Variants in SEMA4G observed in about 807,000 individuals in gnomAD.
SEMA4G encodes the protein semaphorin 4G, also known as semaphorin-4G.
Under a neutral mutation model 81.2 loss-of-function variants are expected in SEMA4G, and 59 were observed. The observed-to-expected ratio is 0.73, with a 90% CI of 0.59 to 0.90. The LOEUF (loss-of-function observed/expected upper bound fraction) is 0.90, where lower values mean the gene tolerates loss of function less well. Ranked by LOEUF, SEMA4G falls within the 40% of genes least tolerant of loss-of-function variation. SEMA4G has a pLI of 0.00. For missense variants in SEMA4G, 952 were observed against 1,102.3 expected (o/e 0.86, Z 1.93); for synonymous variants, 404 against 433.9 (o/e 0.93, Z 0.86).
downstream of SEMA4G, chr10:100,985,292 G>A (rs987778470): frequency 2.3e-5 from 4 of 174,380 alleles, no homozygotes; most frequent in Non-Finnish European, 4.9e-5. Flanking sequence ...ACCTCACCGG[G>A]GCACTTTCAG....
chr10:100,980,587 G>A lies in SEMA4G; in HGVS notation c.1361G>A (p.Trp454Ter). The change falls in exon 11 of 14, where the codon TGG becomes TAG. Residue 454 changes from tryptophan to a stop codon, truncating the protein, a stop_gained. Coordinates refer to ENST00000370250, the Ensembl canonical transcript of SEMA4G. LOFTEE classifies it high-confidence loss of function. ...GCTCTTTCCATACCAGCTGATGGCTGGATCCACAAGGCCGTAGTCCTGGGC... is the reference window on the plus strand; with the variant it reads ...GCTCTTTCCATACCAGCTGATGGCTAGATCCACAAGGCCGTAGTCCTGGGC... 1 of 1,613,870 alleles carries A rather than the reference G, an allele frequency of 6.2e-7. No individual in the cohort carries two copies. The highest frequency in any genetic ancestry group is 8.5e-7 in the Non-Finnish European group (1 of 1,179,752).
At chr10:100,979,500 G>C in intron 8 of SEMA4G, 1 of 1,185,738 alleles carries the variant, frequency 8.4e-7, no homozygotes, top group Non-Finnish European at 1.2e-6. Flanking sequence ...ATCCTGCCTC[G>C]GCCTCCCGAG....
intron 3 of SEMA4G, 23 bp from the exon 5 acceptor site, chr10:100,977,609 G>C (rs774589692): frequency 6.2e-7 from 1 of 1,602,670 alleles, no homozygotes; most frequent in Non-Finnish European, 8.5e-7. Flanking sequence ...GGGGCTCACA[G>C]CCCTCTCCAC....
chr10:100,982,003 A>G (rs949029066), intron 13 of SEMA4G, among the ~76,000 whole-genome samples: 1 of 150,214 alleles, frequency 6.7e-6, no homozygotes, highest in African/African-American at 2.5e-5. Flanking sequence ...GGTTGCAGTG[A>G]GCCAAGATCA....
intron 13 of SEMA4G, among the ~76,000 whole-genome samples, chr10:100,982,989 G>C (rs1851185550): frequency 6.6e-6 from 1 of 152,220 alleles, no homozygotes; most frequent in Non-Finnish European, 1.5e-5. Flanking sequence ...GCACATGGTA[G>C]ATATCCGAGT....
chr10:100,976,825 A>G (rs906498756), intron 3 of SEMA4G, among the ~76,000 whole-genome samples: 4 of 152,254 alleles, frequency 2.6e-5, no homozygotes, highest in African/African-American at 7.2e-5. Flanking sequence ...TACTATGTAC[A>G]TGTATTCATT....
exon 14 of SEMA4G, chr10:100,984,125 T>C (rs149579572): frequency 1.6e-4 from 261 of 1,607,962 alleles, no homozygotes; most frequent in Non-Finnish European, 1.7e-4. Flanking sequence ...ATGAGAGCTC[T>C]GTCTGAGCCC....
At chr10:100,981,616 T>A in intron 13 of SEMA4G, 1 of 1,546,318 alleles carries the variant, frequency 6.5e-7, no homozygotes, top group Non-Finnish European at 8.9e-7. Flanking sequence ...GACACTGATC[T>A]AAATACTTCT....
At chr10:100,975,419 T>G (rs1379446320) in intron 3 of SEMA4G, among the ~76,000 whole-genome samples, 1 of 152,180 alleles carries the variant, frequency 6.6e-6, no homozygotes, top group Admixed American at 6.5e-5. Context: ...AAATGTCAAA[T>G]GAGTTTGGGA....
intron 8 of SEMA4G, 117 bp from the exon 10 acceptor site, chr10:100,979,731 C>T (rs1340699410): frequency 2.5e-6 from 3 of 1,181,416 alleles, no homozygotes; most frequent in African/African-American, 3.0e-5. Flanking sequence ...CAGGAGAGGC[C>T]CTGTGGGACT....
In SEMA4G at chr10:100,983,286, T is replaced by C. The variant is rs761700028; in HGVS notation, c.1691-19T>C. ...TTCCTGGGACGGGCTGGTACTGACCTCTCCCCCAAACCCCACAGGGCCACC... is the reference window on the plus strand; with the variant it reads ...TTCCTGGGACGGGCTGGTACTGACCCCTCCCCCAAACCCCACAGGGCCACC... On this transcript the variant is annotated intron_variant, in intron 13 of 13. Transcript: ENST00000370250. 3 of 1,509,124 alleles carry C rather than the reference T, an allele frequency of 2.0e-6. No individual in the cohort carries two copies. The highest frequency in any genetic ancestry group is 2.7e-5 in the South Asian group (2 of 75,422). 93.5% of individuals were successfully genotyped at this position (1,509,124 alleles called of 1,614,324 possible).
At chr10:100,971,950 C>T (rs1262828293), upstream of SEMA4G, among the ~76,000 whole-genome samples, 1 of 152,146 alleles carries the variant, frequency 6.6e-6, no homozygotes, top group Non-Finnish European at 1.5e-5. Context: ...CAGATAGGGA[C>T]ACGTGTGGAT....
chr10:100,978,110 C>T (rs1850880313), intron 4 of SEMA4G, 185 bp from the exon 6 acceptor site: 3 of 594,772 alleles, frequency 5.0e-6, no homozygotes, highest in Non-Finnish European at 9.0e-6. Context: ...GAACTCCAAA[C>T]ATACATTGTT....
At chr10:100,977,278 T>C (rs1850841228) in intron 3 of SEMA4G, among the ~76,000 whole-genome samples, 1 of 151,888 alleles carries the variant, frequency 6.6e-6, no homozygotes, top group South Asian at 2.1e-4. Context: ...GTTCCAAGAA[T>C]AGAAAGAGGT....
intron 13 of SEMA4G, among the ~76,000 whole-genome samples, chr10:100,982,430 A>G (rs564952776): frequency 1.1e-4 from 17 of 152,376 alleles, no homozygotes; most frequent in African/African-American, 4.1e-4. Context: ...GCCAGGAGTC[A>G]TGGAAGGAGA....
At position 100,973,103 on chromosome 10, in the gene SEMA4G, G is replaced by C; in HGVS notation, c.125-26G>C. ...GGGGTGGGGAGGCACCCCAGAACTAGGGCTCACTGTTCCTGCTCTCCCCAG... is the reference window on the plus strand; with the variant it reads ...GGGGTGGGGAGGCACCCCAGAACTACGGCTCACTGTTCCTGCTCTCCCCAG... On this transcript the variant is annotated intron_variant, in intron 1 of 13. Coordinates refer to ENST00000370250, the Ensembl canonical transcript of SEMA4G. This position sits in a 1 kb window ranked among gnomAD's most constrained non-coding sequence, Gnocchi z 5.5. 6.2e-7 allele frequency: 1 copy of C among 1,614,146 alleles called. No homozygotes were observed.
At chr10:100,979,721 C>G in intron 8 of SEMA4G, 127 bp from the exon 10 acceptor site, 2 of 1,082,060 alleles carry the variant, frequency 1.8e-6, no homozygotes, top group South Asian at 2.8e-5. Flanking sequence ...CACTGACTCA[C>G]AGGAGAGGCC....
exon 7 of SEMA4G, chr10:100,978,923 T>C (rs1387941598): frequency 6.2e-7 from 1 of 1,614,216 alleles, no homozygotes; most frequent in South Asian, 1.1e-5. Flanking sequence ...CAAGGTGTAC[T>C]ACTTCTTCAC....
exon 12 of SEMA4G, chr10:100,980,849 G>C: frequency 6.3e-7 from 1 of 1,593,288 alleles, no homozygotes; most frequent in Admixed American, 1.8e-5. Flanking sequence ...GGCTCCTAGC[G>C]GAGTCATCCA....
Sources: allele counts gnomAD v4.1 joint callset (sites outside exome capture counted in the v4.1 genomes callset), GRCh38; gene constraint gnomAD v4.1.1; non-coding constraint Gnocchi (gnomAD v3.1); transcripts MANE v1.5; gene names NCBI Gene and HGNC (gene_info 2026-07-23, HGNC 2026-07-21).